SIPA1L2: variants seen among roughly 807,000 people sequenced by gnomAD.
SIPA1L2 encodes signal induced proliferation associated 1 like 2, also known as signal-induced proliferation-associated 1-like protein 2.
In SIPA1L2, 56 loss-of-function variants were observed where a neutral mutation model predicts 163.9. The observed-to-expected ratio is 0.34, with a 90% CI of 0.28 to 0.43. The LOEUF is 0.43. Ranked by LOEUF, SIPA1L2 falls within the 20% of genes least tolerant of loss-of-function variation. The pLI, the probability that SIPA1L2 is intolerant of heterozygous loss-of-function variation, is 1.00. For missense variants in SIPA1L2, 1,974 were observed against 2,193.5 expected (o/e 0.90, Z 2.00); for synonymous variants, 877 against 865.7 (o/e 1.01, Z -0.23).
At chr1:232,553,144 A>C (rs1300934324) in intron 2 of SIPA1L2, among the ~76,000 whole-genome samples, 1 of 152,166 alleles carries the variant, frequency 6.6e-6, no homozygotes, top group African/African-American at 2.4e-5. Flanking sequence ...GGTGGCTCTC[A>C]GCAGGATGGA....
intron 1 of SIPA1L2, among the ~76,000 whole-genome samples, chr1:232,594,670 T>G (rs79085621): frequency 0.028 from 4,242 of 152,222 alleles, 184 homozygotes; most frequent in African/African-American, 0.096. Flanking sequence ...TTTTTAAAAA[T>G]CAATAAGCTC....
Position 232,445,539 on chromosome 1 carries a change from C to A in SIPA1L2, c.3343G>T (p.Asp1115Tyr). The change falls in exon 11 of 23, where the codon GAT becomes TAT. Residue 1115 changes from aspartate (D) to tyrosine (Y), a missense_variant. Asp to Tyr is a radical substitution (Grantham distance 160, BLOSUM62 -3). Coordinates refer to ENST00000674635, the MANE Select transcript of SIPA1L2 (RefSeq NM_020808.5). ...RSTSFDRKLPDGTRSSPSNQS... is the reference protein window; with the variant it reads ...RSTSFDRKLPYGTRSSPSNQS... ...CGGAACCAGCATTACCTCGTGCCAT[C>A]GGGCAGCTTCCGGTCGAAGGAGGTG... The A allele has an allele frequency of 6.2e-7, 1 of 1,613,794 alleles. No individual in the cohort carries two copies. The highest frequency in any genetic ancestry group is 8.5e-7 in the Non-Finnish European group (1 of 1,179,880).
At chr1:232,490,805 G>C in intron 5 of SIPA1L2, 69 bp downstream of exon 5, 1 of 1,475,318 alleles carries the variant, frequency 6.8e-7, no homozygotes, top group Non-Finnish European at 9.1e-7. Flanking sequence ...AGATGGATGG[G>C]AAAACTCCAA....
chr1:232,498,024 T>C (rs755925493), intron 3 of SIPA1L2, among the ~76,000 whole-genome samples: 40 of 152,272 alleles, frequency 2.6e-4, no homozygotes, highest in Middle Eastern at 6.8e-3. Context: ...GACATTCTTC[T>C]TACTCATGAT....
intron 7 of SIPA1L2, among the ~76,000 whole-genome samples, chr1:232,473,717 A>G (rs1306892252): frequency 6.6e-6 from 1 of 152,200 alleles, no homozygotes; most frequent in Non-Finnish European, 1.5e-5. Context: ...GGGCCAAAAA[A>G]TGTTTTCAAA....
chr1:232,438,982 G>A, intron 15 of SIPA1L2, 126 bp downstream of exon 15: 3 of 950,978 alleles, frequency 3.2e-6, no homozygotes. Context: ...ATGTCAGACA[G>A]CTAGGAAAAA....
intron 2 of SIPA1L2, among the ~76,000 whole-genome samples, chr1:232,522,139 C>T (rs952877772): frequency 1.3e-4 from 20 of 152,140 alleles, no homozygotes; most frequent in Non-Finnish European, 2.2e-4. Context: ...TTGACTGCCA[C>T]GACCAGAGTT....
intron 2 of SIPA1L2, among the ~76,000 whole-genome samples, chr1:232,533,644 C>T (rs1043766432): frequency 2.0e-5 from 3 of 152,192 alleles, no homozygotes; most frequent in Admixed American, 6.5e-5. Flanking sequence ...AAAGCTGAGG[C>T]ACATACAGAT....
At chr1:232,471,225 A>C in intron 8 of SIPA1L2, 146 bp downstream of exon 8, 2 of 839,306 alleles carry the variant, frequency 2.4e-6, no homozygotes, top group Non-Finnish European at 1.9e-6. Flanking sequence ...AATGGGAAGA[A>C]GGCAATTATT....
chr1:232,529,479 G>C (rs990125655), intron 2 of SIPA1L2, among the ~76,000 whole-genome samples: 1 of 152,240 alleles, frequency 6.6e-6, no homozygotes, highest in African/African-American at 2.4e-5. Flanking sequence ...CATGGCTCCT[G>C]GCTTGGCGGA....
intron 1 of SIPA1L2, among the ~76,000 whole-genome samples, chr1:232,601,331 C>G (rs940264752): frequency 2.0e-5 from 3 of 152,196 alleles, no homozygotes; most frequent in Non-Finnish European, 4.4e-5. Context: ...CCTACAGAAT[C>G]AATTTTGAGA....
chr1:232,401,038 A>T (rs1226785002), intron 22 of SIPA1L2, among the ~76,000 whole-genome samples: 1 of 151,966 alleles, frequency 6.6e-6, no homozygotes, highest in African/African-American at 2.4e-5. Flanking sequence ...CAGTGACATT[A>T]TTTCTCTTCA....
intron 3 of SIPA1L2, among the ~76,000 whole-genome samples, chr1:232,500,378 G>A (rs1271522099): frequency 6.6e-6 from 1 of 152,230 alleles, no homozygotes; most frequent in African/African-American, 2.4e-5. Context: ...TGATGGATTT[G>A]GGCAGATAAA....
At chr1:232,543,582 T>G (rs1419037652) in intron 2 of SIPA1L2, among the ~76,000 whole-genome samples, 5 of 152,242 alleles carry the variant, frequency 3.3e-5, no homozygotes, top group African/African-American at 1.2e-4. Context: ...ATGCATACAA[T>G]GGGCCAGGTG....
intron 1 of SIPA1L2, among the ~76,000 whole-genome samples, chr1:232,587,643 C>A (rs2102819703): frequency 6.6e-6 from 1 of 152,308 alleles, no homozygotes; most frequent in Non-Finnish European, 1.5e-5. Context: ...TACCACATAA[C>A]TGCAGTTAAA....
chr1:232,572,923 C>T (rs1037938178), intron 2 of SIPA1L2, among the ~76,000 whole-genome samples: 6 of 151,234 alleles, frequency 4.0e-5, no homozygotes, highest in Non-Finnish European at 7.4e-5. Flanking sequence ...GGATTACAGG[C>T]GTGAGCCACC....
At chr1:232,555,140 C>G (rs1263169989) in intron 2 of SIPA1L2, among the ~76,000 whole-genome samples, 1 of 152,186 alleles carries the variant, frequency 6.6e-6, no homozygotes, top group African/African-American at 2.4e-5. Flanking sequence ...TCTGAGAAAA[C>G]AAGTGACTCT....
intron 1 of SIPA1L2, among the ~76,000 whole-genome samples, chr1:232,629,341 G>A (rs139029434): frequency 2.0e-5 from 3 of 152,364 alleles, no homozygotes; most frequent in Non-Finnish European, 2.9e-5. Context: ...GGGAAGAAAG[G>A]TCGCGGTGAG....
At chr1:232,528,633 G>A (rs1290507508) in intron 2 of SIPA1L2, among the ~76,000 whole-genome samples, 3 of 152,174 alleles carry the variant, frequency 2.0e-5, no homozygotes, top group Non-Finnish European at 4.4e-5. Context: ...GGAAAAGGCA[G>A]CAGCTCCTCC....
Sources: gnomAD v4.1 joint callset for allele counts (sites outside exome capture counted in the v4.1 genomes callset) on GRCh38, gnomAD v4.1.1 for gene constraint, MANE v1.5 for transcripts, NCBI Gene and HGNC (gene_info 2026-07-23, HGNC 2026-07-21) for gene names.